The following FERMT2 variants were observed in gnomAD, a reference collection of about 807,000 sequenced individuals.
FERMT2 encodes FERM domain containing kindlin 2, also known as fermitin family homolog 2.
In FERMT2, 15 loss-of-function variants were observed where a neutral mutation model predicts 82.7. The ratio of observed to expected loss-of-function variants is 0.18; its 90% CI spans 0.12 to 0.28. FERMT2 has a LOEUF of 0.28. Among genes scored for constraint, FERMT2 ranks in the 10% least tolerant of loss-of-function variants. The pLI, the probability that FERMT2 is intolerant of heterozygous loss-of-function variation, is 1.00. For missense variants in FERMT2, 645 were observed against 809.4 expected (o/e 0.80, Z 2.46); for synonymous variants, 274 against 271.5 (o/e 1.01, Z -0.09).
At chr14:52,906,991 C>T (rs1326320300) in intron 3 of FERMT2, among the ~76,000 whole-genome samples, 5 of 126,512 alleles carry the variant, frequency 4.0e-5, no homozygotes, top group African/African-American at 1.2e-4. Context: ...GCTGCAGTGT[C>T]TTTCAAAAAT....
intron 2 of FERMT2, among the ~76,000 whole-genome samples, chr14:52,941,729 A>G (rs1461351896): frequency 6.6e-6 from 1 of 152,206 alleles, no homozygotes; most frequent in Non-Finnish European, 1.5e-5. Context: ...TTCTGAAACT[A>G]CTTTCATTAG....
At chr14:52,889,392 G>T (rs979735920) in intron 4 of FERMT2, among the ~76,000 whole-genome samples, 2 of 152,172 alleles carry the variant, frequency 1.3e-5, no homozygotes, top group African/African-American at 4.8e-5. Context: ...ACACAGACCA[G>T]AAATAAAAGC....
chr14:52,942,773 A>G (rs1049324496), intron 2 of FERMT2, among the ~76,000 whole-genome samples: 1 of 152,210 alleles, frequency 6.6e-6, no homozygotes, highest in Non-Finnish European at 1.5e-5. Flanking sequence ...TGCCTCCATC[A>G]GCACCTACTA....
chr14:52,881,515 T>G (rs1045043311), intron 4 of FERMT2, 46 bp from the exon 5 acceptor site: 14 of 1,310,480 alleles, frequency 1.1e-5, no homozygotes, highest in Non-Finnish European at 1.5e-5. Flanking sequence ...CAGTACAGCA[T>G]CTTATTTTTC....
At chr14:52,863,995 G>T (rs1402234115) in intron 12 of FERMT2, among the ~76,000 whole-genome samples, 1 of 149,160 alleles carries the variant, frequency 6.7e-6, no homozygotes, top group African/African-American at 2.4e-5. Context: ...CTATTAAAAT[G>T]ATAAAGATTT....
At chr14:52,899,776 T>C (rs943899804) in intron 3 of FERMT2, among the ~76,000 whole-genome samples, 1 of 152,258 alleles carries the variant, frequency 6.6e-6, no homozygotes, top group African/African-American at 2.4e-5. Context: ...AAGATACTGA[T>C]CATTTCACTG....
chr14:52,897,758 C>T (rs1030867552), intron 3 of FERMT2, among the ~76,000 whole-genome samples: 7 of 152,186 alleles, frequency 4.6e-5, no homozygotes, highest in African/African-American at 1.7e-4. Context: ...GGGTGGATCA[C>T]CTGTGGTCAG....
intron 4 of FERMT2, among the ~76,000 whole-genome samples, chr14:52,882,546 GCT>G (rs1484157112): frequency 6.6e-6 from 1 of 152,156 alleles, no homozygotes; most frequent in Admixed American, 6.5e-5. Flanking sequence ...CCAAGTCCTA[GCT>G]CTGTTAAATT....
At chr14:52,893,089 C>T (rs961576879) in intron 4 of FERMT2, among the ~76,000 whole-genome samples, 3 of 152,182 alleles carry the variant, frequency 2.0e-5, no homozygotes, top group African/African-American at 4.8e-5. Flanking sequence ...CTCTGCCTCC[C>T]GGGTTCAAGC....
chr14:52,864,843 A>G lies in FERMT2; in HGVS notation c.1284T>C (p.Val428=). The G allele has an allele frequency of 6.2e-7, 1 of 1,600,616 alleles. No individual in the cohort carries two copies. The highest frequency in any genetic ancestry group is 8.5e-7 in the Non-Finnish European group (1 of 1,170,118). ...GGCCTGAAATGTTTACATCTGGGGT[A>G]ACTTCACATCCTGTAACAAAAAATT... ...AHQMNLRGCE[V]TPDVNISGQK... Residue 428 remains valine, a synonymous_variant, in exon 11 of 15, where the codon GTT becomes GTC. Transcript: ENST00000341590.
intron 8 of FERMT2, 102 bp from the exon 9 acceptor site, chr14:52,874,328 G>T: frequency 1.7e-6 from 1 of 592,520 alleles, no homozygotes; most frequent in South Asian, 3.1e-5. Flanking sequence ...TAAACAGAAT[G>T]ACATAAAATA....
intron 3 of FERMT2, among the ~76,000 whole-genome samples, chr14:52,904,175 G>A (rs957135692): frequency 6.6e-6 from 1 of 152,176 alleles, no homozygotes; most frequent in Non-Finnish European, 1.5e-5. Context: ...GCGGTCAGGA[G>A]TTTGAGACCA....
chr14:52,870,129 A>G lies in FERMT2; in HGVS notation c.1273+2670T>C, dbSNP rs184591323. 2.4e-3 allele frequency among the ~76,000 whole-genome samples: 365 copies of G among 152,302 alleles called. 2 individuals are homozygous for G. Among genetic ancestry groups the G allele is most frequent in the African/African-American group, 8.1e-3 (337 of 41,556 alleles). Reference sequence around the variant, plus strand: ...TTGAAGAAAGAAAATTATTGAATAAAGTCTATAGTAGCATATAGTAATGTC... The same window carrying G: ...TTGAAGAAAGAAAATTATTGAATAAGGTCTATAGTAGCATATAGTAATGTC... On this transcript the variant is annotated intron_variant, in intron 10 of 14. Transcript: ENST00000341590.
intron 4 of FERMT2, among the ~76,000 whole-genome samples, chr14:52,888,109 A>G (rs1886719033): frequency 6.6e-6 from 1 of 152,276 alleles, no homozygotes; most frequent in African/African-American, 2.4e-5. Flanking sequence ...ATAAATTCAT[A>G]TATTTATTTT....
At chr14:52,890,608 C>T (rs1594953955) in intron 4 of FERMT2, among the ~76,000 whole-genome samples, 1 of 140,452 alleles carries the variant, frequency 7.1e-6, no homozygotes, top group Non-Finnish European at 1.5e-5. Flanking sequence ...CTTTTATCCT[C>T]TTTTTTTTTT....
At chr14:52,897,747 C>T (rs750375221) in intron 3 of FERMT2, among the ~76,000 whole-genome samples, 110 of 152,166 alleles carry the variant, frequency 7.2e-4, no homozygotes, top group Non-Finnish European at 1.2e-3. Flanking sequence ...GAGGCTGAGA[C>T]GGGTGGATCA....
rs1555369025 is a variant in FERMT2, at chr14:52,892,458, T to TTTTTGTTG, written c.526+834_526+835insCAACAAAA. Reference sequence around the variant, plus strand: ...TACCCCGCCTGGTGCTGTTTTTTGTTTTTTTTTTTTTTTGAGATGGAGTTT... The same window carrying TTTTTGTTG: ...TACCCCGCCTGGTGCTGTTTTTTGTTTTTTGTTGTTTTTTTTTTTTTGAGATGGAGTTT... On this transcript the variant is annotated intron_variant, in intron 4 of 14. Transcript: ENST00000341590. Among the ~76,000 whole-genome samples the TTTTTGTTG allele has an allele frequency of 2.6e-3, 369 of 143,994 alleles. 3 individuals are homozygous for TTTTTGTTG. Among genetic ancestry groups the TTTTTGTTG allele is most frequent in the African/African-American group, 8.9e-3 (351 of 39,288 alleles). The allele number at this position is 143,994 out of a possible 152,430, so 94.5% of individuals were successfully genotyped here.
rs749022089 is a variant in FERMT2, at chr14:52,858,134, C to A, written c.*243G>T. 3 of 449,694 alleles carry A rather than the reference C, an allele frequency of 6.7e-6. No individual in the cohort carries two copies. The highest frequency in any genetic ancestry group is 8.0e-6 in the Non-Finnish European group (2 of 248,896). The allele number at this position is 449,694 out of a possible 1,614,324, so 27.9% of individuals were successfully genotyped here. Reference sequence around the variant, plus strand: ...TGATGGTTTGTTCCTGATTTGCCCACTATTTCAGTTTTCAATTCATGGCCC... The same window carrying A: ...TGATGGTTTGTTCCTGATTTGCCCAATATTTCAGTTTTCAATTCATGGCCC... On this transcript the variant is annotated 3_prime_UTR_variant, in exon 15 of 15. Transcript: ENST00000341590.
chr14:52,889,165 A>T (rs1386590007), intron 4 of FERMT2, among the ~76,000 whole-genome samples: 3 of 152,196 alleles, frequency 2.0e-5, no homozygotes, highest in African/African-American at 7.2e-5. Context: ...CAATTAATTA[A>T]TATATTTTAC....
Sources: gnomAD v4.1 joint callset for allele counts (sites outside exome capture counted in the v4.1 genomes callset) on GRCh38, gnomAD v4.1.1 for gene constraint, MANE v1.5 for transcripts, NCBI Gene and HGNC (gene_info 2026-07-23, HGNC 2026-07-21) for gene names.